GALM: variants seen among roughly 807,000 people sequenced by gnomAD.
GALM encodes aldose 1-epimerase.
GALM carries 43 observed loss-of-function variants against 37.4 expected under a neutral mutation model. The observed-to-expected ratio is 1.15, with a 90% confidence interval of 0.90 to 1.48. The LOEUF is 1.48. GALM is among the 40% of genes most tolerant of loss of function. GALM has a pLI of 0.00. For missense variants in GALM, 456 were observed against 419.1 expected (o/e 1.09, Z -0.77); for synonymous variants, 199 against 170.6 (o/e 1.17, Z -1.30).
chr2:38,687,655 G>C (rs954196886), intron 3 of GALM, among the ~76,000 whole-genome samples: 76 of 151,258 alleles, frequency 5.0e-4, no homozygotes, highest in Admixed American at 5.0e-3. Flanking sequence ...AGGTTGCAGT[G>C]ACCCAAGATT....
chr2:38,699,380 C>G (rs1171833285), intron 4 of GALM, among the ~76,000 whole-genome samples: 3 of 152,312 alleles, frequency 2.0e-5, no homozygotes, highest in Admixed American at 6.5e-5. Context: ...AAACATTTAT[C>G]ATTTTTTTGT....
chr2:38,685,173 C>A (rs1665490109), intron 3 of GALM, among the ~76,000 whole-genome samples: 2 of 152,180 alleles, frequency 1.3e-5, no homozygotes, highest in Non-Finnish European at 2.9e-5. Flanking sequence ...AGAAGTGTGG[C>A]CTATGCTCTG....
At chr2:38,733,204 G>A (rs2148461509) in intron 6 of GALM, among the ~76,000 whole-genome samples, 1 of 128,404 alleles carries the variant, frequency 7.8e-6, no homozygotes. Context: ...CTGGGCAACA[G>A]AGCAAGACTC....
chr2:38,729,419 C>T, intron 4 of GALM, 137 bp from the exon 5 acceptor site: 2 of 514,674 alleles, frequency 3.9e-6, no homozygotes, highest in South Asian at 3.9e-5. Flanking sequence ...TGCATGTTTC[C>T]CAGGATCTGG....
At chr2:38,666,573 G>T (rs1664944069) in intron 1 of GALM, among the ~76,000 whole-genome samples, 1 of 152,214 alleles carries the variant, frequency 6.6e-6, no homozygotes, top group African/African-American at 2.4e-5. Context: ...CTGGTTATCC[G>T]TTCAGGCTTT....
chr2:38,710,753 CTTT>C (rs531054454), intron 4 of GALM, among the ~76,000 whole-genome samples: 4 of 133,398 alleles, frequency 3.0e-5, no homozygotes, highest in Non-Finnish European at 3.3e-5. Flanking sequence ...TCATTTCCTT[CTTT>C]TTTTTTTTTT....
chr2:38,717,328 T>TGTGC (rs1428743160), intron 4 of GALM, among the ~76,000 whole-genome samples: 3 of 151,692 alleles, frequency 2.0e-5, no homozygotes, highest in African/African-American at 7.3e-5. Flanking sequence ...TGTGTGTGTG[T>TGTGC]GTGTGTGTGT....
intron 4 of GALM, among the ~76,000 whole-genome samples, chr2:38,703,057 TATATATATA>T (rs1665952717): frequency 0.052 from 155 of 2,960 alleles, 6 homozygotes; most frequent in African/African-American, 0.077. Context: ...TGGGATTTTA[TATATATATA>T]TATATATATA....
At chr2:38,703,107 T>A (rs2148444370) in intron 4 of GALM, among the ~76,000 whole-genome samples, 2 of 67,116 alleles carry the variant, frequency 3.0e-5, no homozygotes, top group East Asian at 4.0e-4. Context: ...TTTTTTTTTT[T>A]TTTTTTTTTT....
intron 4 of GALM, among the ~76,000 whole-genome samples, chr2:38,722,480 G>A (rs1666404567): frequency 6.6e-6 from 1 of 152,120 alleles, no homozygotes; most frequent in African/African-American, 2.4e-5. Context: ...CATCTGCCAG[G>A]CACTGCTGCC....
intron 4 of GALM, among the ~76,000 whole-genome samples, chr2:38,716,312 G>T (rs912663401): frequency 1.3e-5 from 2 of 152,234 alleles, no homozygotes; most frequent in Non-Finnish European, 2.9e-5. Flanking sequence ...AAACAGTCCA[G>T]AAGGAGGCCC....
intron 4 of GALM, among the ~76,000 whole-genome samples, chr2:38,726,946 C>T (rs1427149754): frequency 6.7e-6 from 1 of 150,122 alleles, no homozygotes; most frequent in African/African-American, 2.5e-5. Flanking sequence ...AAAATTTGGC[C>T]AGATCACACC....
At chr2:38,722,030 T>TTCCC (rs1666385953) in intron 4 of GALM, among the ~76,000 whole-genome samples, 4 of 41,386 alleles carry the variant, frequency 9.7e-5, no homozygotes, top group Non-Finnish European at 1.2e-4. Flanking sequence ...TGCCTTCCCT[T>TTCCC]CCCCCCCCCA....
At chr2:38,713,031 A>G (rs1282528117) in intron 4 of GALM, among the ~76,000 whole-genome samples, 2 of 152,022 alleles carry the variant, frequency 1.3e-5, no homozygotes, top group Non-Finnish European at 2.9e-5. Flanking sequence ...CGATGCTGGG[A>G]TGTCTGCCAC....
chr2:38,726,223 T>A (rs12712615), intron 4 of GALM, among the ~76,000 whole-genome samples: 163 of 2,428 alleles, frequency 0.067, 1 homozygote, highest in South Asian at 0.22. Flanking sequence ...TTTATTTTTT[T>A]TTTTTTATTT....
chr2:38,689,015 T>G (rs982841454), intron 3 of GALM, among the ~76,000 whole-genome samples: 5 of 152,180 alleles, frequency 3.3e-5, no homozygotes, highest in African/African-American at 1.2e-4. Context: ...AGACGGGGCT[T>G]CTTCTTTTTG....
At chr2:38,726,287 C>T (rs901486237) in intron 4 of GALM, among the ~76,000 whole-genome samples, 39 of 148,368 alleles carry the variant, frequency 2.6e-4, no homozygotes, top group African/African-American at 7.2e-4. Context: ...AGTGCAGTGG[C>T]GGGATCTCGG....
intron 4 of GALM, among the ~76,000 whole-genome samples, chr2:38,705,517 G>A (rs113204419): frequency 6.6e-6 from 1 of 152,158 alleles, no homozygotes; most frequent in African/African-American, 2.4e-5. Context: ...GTAGAAAGAG[G>A]ATTCTCAAGA....
intron 4 of GALM, among the ~76,000 whole-genome samples, chr2:38,710,630 C>T (rs781017698): frequency 7.9e-5 from 12 of 151,886 alleles, no homozygotes; most frequent in Non-Finnish European, 1.5e-4. Context: ...GTCTCAAACT[C>T]CTGGGCTTAA....
Sources: allele counts gnomAD v4.1 joint callset (sites outside exome capture counted in the v4.1 genomes callset), GRCh38; gene constraint gnomAD v4.1.1; transcripts MANE v1.5; gene names NCBI Gene and HGNC (gene_info 2026-07-23, HGNC 2026-07-21).